SLC31A2: variants seen among roughly 807,000 people sequenced by gnomAD.
The protein encoded by SLC31A2 is protein SLC31A2.
A neutral mutation model predicts 14.4 loss-of-function variants in SLC31A2; 16 were observed. That is an observed-to-expected ratio of 1.11 (90% CI 0.75 to 1.69). The LOEUF is 1.69. Ranked by LOEUF, SLC31A2 falls within the 40% of genes most tolerant of loss-of-function variation. The pLI, the probability that SLC31A2 is intolerant of heterozygous loss-of-function variation, is 0.00. For synonymous variants in SLC31A2, 56 were observed against 68.7 expected, an observed-to-expected ratio of 0.82 and a Z score of 0.91; for missense variants, 140 against 173.9, an observed-to-expected ratio of 0.81 and a Z score of 1.10.
At position 113,161,707 on chromosome 9, in the gene SLC31A2, AGTGGG is replaced by A. The variant is rs1830015890; in HGVS notation, c.263+10_263+14del. On this transcript the variant is annotated intron_variant, in intron 3 of 3. Transcript: ENST00000259392. ...GGCAGAACCCACCACAGGTACAGGCAGTGGGTATGGGAAAGGGGCAGAAGCCTCAC... is the reference window on the plus strand; with the variant it reads ...GGCAGAACCCACCACAGGTACAGGCATATGGGAAAGGGGCAGAAGCCTCAC... The A allele has an allele frequency of 6.2e-7, 1 of 1,613,230 alleles. No individual in the cohort carries two copies. Among genetic ancestry groups the A allele is most frequent in the Admixed American group, 1.7e-5 (1 of 59,998 alleles).
rs772393886 is a variant in SLC31A2, at chr9:113,161,697, A to G, written c.262A>G (p.Arg88Gly). 1 of 1,613,712 alleles carries G rather than the reference A, an allele frequency of 6.2e-7. No individual in the cohort carries two copies. Among genetic ancestry groups the G allele is most frequent in the Non-Finnish European group, 8.5e-7 (1 of 1,179,702 alleles). Residue 88 changes from arginine (R) to glycine (G), a missense_variant and splice_region_variant, in exon 3 of 4, where the codon AGG becomes GGG. Physicochemically the swap from Arg to Gly is moderately radical, Grantham distance 125 (BLOSUM62 -2). Transcript: ENST00000259392. Reference protein sequence around the residue: ...DSFPVGRTHHRWYLCHFGQSL... With the variant: ...DSFPVGRTHHGWYLCHFGQSL... ...ATTCCCTGTTGGCAGAACCCACCAC[A>G]GGTACAGGCAGTGGGTATGGGAAAG...
intron 2 of SLC31A2, 145 bp from the exon 3 acceptor site, chr9:113,161,364 A>T: frequency 1.4e-6 from 1 of 734,216 alleles, no homozygotes; most frequent in African/African-American, 1.8e-5. Flanking sequence ...TGGTGAAGAC[A>T]GTGAAGAAGT....
rs1216638660 is a variant in SLC31A2 at position 113,151,209 on chromosome 9, C to T, written c.6+129C>T. The T allele has an allele frequency of 3.1e-6, 3 of 983,558 alleles. No homozygotes were observed. The highest frequency in any genetic ancestry group is 4.0e-6 in the Non-Finnish European group (3 of 746,522). 60.9% of individuals were successfully genotyped at this position (983,558 alleles called of 1,614,324 possible). On this transcript the variant is annotated intron_variant, in intron 1 of 3. Transcript: ENST00000259392. This position sits in a 1 kb window ranked among gnomAD's most constrained non-coding sequence, Gnocchi z 4.2. ...GGTGAAGGGTGTGTTGGCAGCATTG[C>T]CAACAGCTGGAACAGGGTTGGGGGA...
At chr9:113,158,455 TTCTC>T (rs1308117993) in intron 2 of SLC31A2, among the ~76,000 whole-genome samples, 4 of 152,224 alleles carry the variant, frequency 2.6e-5, no homozygotes, top group Non-Finnish European at 5.9e-5. Flanking sequence ...CATTTTATCA[TTCTC>T]TCTCAAGGTT....
chr9:113,163,155 T>A lies in SLC31A2; in HGVS notation c.*238T>A. 1 of 361,148 alleles carries A rather than the reference T, an allele frequency of 2.8e-6. No individual in the cohort carries two copies. Among genetic ancestry groups the A allele is most frequent in the Non-Finnish European group, 5.0e-6 (1 of 200,972 alleles). 22.4% of individuals were successfully genotyped at this position (361,148 alleles called of 1,614,324 possible). On this transcript the variant is annotated 3_prime_UTR_variant, in exon 4 of 4. Coordinates refer to ENST00000259392, the MANE Select transcript of SLC31A2 (RefSeq NM_001860.3). ...TGGTCTTGTGTCTTAAGACAGCTGC[T>A]GTGACCAAAGGGAGAATGGAGATAA... is the stretch of plus-strand genomic sequence containing the variant.
rs1242459920 is a variant in SLC31A2, at chr9:113,164,006, C to CTT, written c.*1091_*1092dup. The CTT allele has an allele frequency of 1.3e-5, 2 of 152,490 alleles. No homozygotes were observed. Among genetic ancestry groups the CTT allele is most frequent in the Non-Finnish European group, 2.9e-5 (2 of 68,032 alleles). The allele number at this position is 152,490 out of a possible 1,614,324, so 9.4% of individuals were successfully genotyped here. A position where few individuals can be genotyped will look rare whatever the true frequency, so the allele number is the denominator to read the frequency against. On this transcript the variant is annotated 3_prime_UTR_variant, in exon 4 of 4. Coordinates refer to ENST00000259392, the MANE Select transcript of SLC31A2 (RefSeq NM_001860.3). Reference sequence around the variant, plus strand: ...CTCTCTGGATAGTTGAACCTCTTCACTTTATAAAAAAGGAAAGAGAGAAAA... The same window carrying CTT: ...CTCTCTGGATAGTTGAACCTCTTCACTTTTTATAAAAAAGGAAAGAGAGAAAA...
intron 1 of SLC31A2, among the ~76,000 whole-genome samples, chr9:113,154,736 A>C (rs1303558804): frequency 6.6e-6 from 1 of 152,070 alleles, no homozygotes; most frequent in Admixed American, 6.6e-5. Context: ...ATCGTCATCC[A>C]CACCTGTGAT....
chr9:113,157,126 CT>C (rs1829944096), intron 1 of SLC31A2, among the ~76,000 whole-genome samples: 1 of 152,236 alleles, frequency 6.6e-6, no homozygotes, highest in South Asian at 2.1e-4. Context: ...TACCTGCAGT[CT>C]TTCCTGTAAG....
rs1830038897 is a variant in SLC31A2, at chr9:113,162,915, T to G, written c.430T>G (p.Ter144GluextTer29). 1 of 1,606,816 alleles carries G rather than the reference T, an allele frequency of 6.2e-7. No homozygotes were observed. Among genetic ancestry groups the G allele is most frequent in the African/African-American group, 1.3e-5 (1 of 74,656 alleles). The change falls in exon 4 of 4, where the codon TAG (stop) becomes GAG (glutamate). Residue 144 changes from the stop codon to glutamate, a stop_lost. Coordinates refer to ENST00000259392, the MANE Select transcript of SLC31A2 (RefSeq NM_001860.3). ...AGCTTACCCACTTCTCAGCACAGCT[T>G]AGCTGGTGAGGAACGTGCAGGCACT... ...YLAYPLLSTA[*>E]
intron 3 of SLC31A2, chr9:113,162,455 C>T: frequency 3.6e-6 from 1 of 275,442 alleles, no homozygotes. Flanking sequence ...ATGATTTTCT[C>T]TTATTCCTTA....
chr9:113,156,994 G>C lies in SLC31A2; in HGVS notation c.7-733G>C, dbSNP rs565056614. 4.6e-5 allele frequency among the ~76,000 whole-genome samples: 7 copies of C among 152,156 alleles called. No individual in the cohort carries two copies. In the South Asian group the frequency reaches 1.5e-3, roughly 32 times the overall value. The stretch of plus-strand genomic sequence containing the variant: ...TGGACCTAATTGTCCCTGTCACACA[G>C]AGGACTGTTGTGACAATGAAATGAG... On this transcript the variant is annotated intron_variant, in intron 1 of 3. Transcript: ENST00000259392.
chr9:113,161,402 G>T (rs1286656545), intron 2 of SLC31A2, 107 bp from the exon 3 acceptor site: 6 of 976,380 alleles, frequency 6.1e-6, no homozygotes. Context: ...TGGGGAAGAA[G>T]GTGCAGGATA....
At chr9:113,162,661 C>G in intron 3 of SLC31A2, 88 bp from the exon 4 acceptor site, 3 of 1,274,016 alleles carry the variant, frequency 2.4e-6, no homozygotes, top group Non-Finnish European at 3.3e-6. Context: ...TCACGTAACT[C>G]AACAGCTTTC....
At chr9:113,161,456 A>G in intron 2 of SLC31A2, 53 bp from the exon 3 acceptor site, 5 of 1,539,174 alleles carry the variant, frequency 3.2e-6, no homozygotes, top group Non-Finnish European at 4.5e-6. Flanking sequence ...AGGTGCTGGA[A>G]GGGAAACAGT....
chr9:113,158,801 G>T (rs533520904), intron 2 of SLC31A2, among the ~76,000 whole-genome samples: 1 of 152,166 alleles, frequency 6.6e-6, no homozygotes, highest in African/African-American at 2.4e-5. Context: ...AAGCAGTCAC[G>T]AAGGTCTTCC....
At chr9:113,153,755 C>T (rs1044209494) in intron 1 of SLC31A2, among the ~76,000 whole-genome samples, 7 of 152,188 alleles carry the variant, frequency 4.6e-5, no homozygotes, top group East Asian at 1.9e-4. Context: ...TGCAGCTCCA[C>T]GGTCTCCAGT....
chr9:113,162,015 A>G (rs1185067265), intron 3 of SLC31A2: 5 of 435,048 alleles, frequency 1.1e-5, no homozygotes, highest in East Asian at 5.5e-5. Context: ...CACCAGTTCC[A>G]TGGGTCACTA....
chr9:113,155,989 C>T (rs762084816), intron 1 of SLC31A2: 53 of 515,912 alleles, frequency 1.0e-4, no homozygotes, highest in Non-Finnish European at 1.7e-4. Flanking sequence ...GGATTGGAGA[C>T]GACTAGAACA....
At chr9:113,152,647 GCT>G in intron 1 of SLC31A2, among the ~76,000 whole-genome samples, 1 of 152,162 alleles carries the variant, frequency 6.6e-6, no homozygotes, top group Non-Finnish European at 1.5e-5. Context: ...GTAATTATTT[GCT>G]CACTTAAATG....
Sources: gnomAD v4.1 joint callset for allele counts (sites outside exome capture counted in the v4.1 genomes callset) on GRCh38, gnomAD v4.1.1 for gene constraint, Gnocchi (gnomAD v3.1) non-coding constraint, MANE v1.5 for transcripts, NCBI Gene and HGNC (gene_info 2026-07-23, HGNC 2026-07-21) for gene names.